The following BCAT2 variants were observed in gnomAD, a reference collection of about 807,000 sequenced individuals.
BCAT2 encodes branched-chain-amino-acid aminotransferase, mitochondrial.
A neutral mutation model predicts 52.9 loss-of-function variants in BCAT2; 44 were observed. The observed-to-expected ratio is 0.83, with a 90% confidence interval of 0.65 to 1.07. The LOEUF (loss-of-function observed/expected upper bound fraction) is 1.07. BCAT2 is among the 50% of genes least tolerant of loss of function. The pLI is 0.00. For missense variants in BCAT2, 478 were observed against 521.8 expected (o/e 0.92, Z 0.82); for synonymous variants, 215 against 217.1 (o/e 0.99, Z 0.08).
intron 10 of BCAT2, chr19:48,796,176 AG>A: frequency 1.8e-6 from 1 of 554,746 alleles, no homozygotes; most frequent in South Asian, 2.6e-5. Context: ...AGAGGATCAC[AG>A]GAAGGGGTTT....
rs540099270 is a variant in BCAT2, at chr19:48,803,232, G to A, written c.301-2935C>T. On this transcript the variant is annotated intron_variant, in intron 3 of 10. Transcript: ENST00000316273. ...AAACAAAACCCAGGTAAAAGAGCCCGGATACACCGGATATAGTGGCTCATG... is the reference window on the plus strand; with the variant it reads ...AAACAAAACCCAGGTAAAAGAGCCCAGATACACCGGATATAGTGGCTCATG... 4.6e-5 allele frequency among the ~76,000 whole-genome samples: 7 copies of A among 151,352 alleles called. No homozygotes were observed. The East Asian group carries it at 5.9e-4, about 13-fold the overall frequency.
intron 3 of BCAT2, among the ~76,000 whole-genome samples, chr19:48,803,380 T>C (rs2034697654): frequency 6.6e-6 from 1 of 151,384 alleles, no homozygotes; most frequent in African/African-American, 2.4e-5. Flanking sequence ...AAATAAAAAT[T>C]AGCTGGGCAT....
chr19:48,795,143 T>C lies in BCAT2; in HGVS notation c.*283A>G, dbSNP rs2034467843. On this transcript the variant is annotated 3_prime_UTR_variant, in exon 11 of 11. Coordinates refer to ENST00000316273, the MANE Select transcript of BCAT2 (RefSeq NM_001190.4). ...CAACGGCAGCACCAGGGGTCTGGCC[T>C]GAGAACGGAGAGATCCGGAATCGGG... 9.4e-6 allele frequency: 5 copies of C among 530,804 alleles called. No individual in the cohort carries two copies. The highest frequency in any genetic ancestry group is 1.7e-5 in the Non-Finnish European group (5 of 295,786). 32.9% of individuals were successfully genotyped at this position (530,804 alleles called of 1,614,324 possible).
Position 48,800,391 on chromosome 19 carries a change from A to G in BCAT2, c.301-94T>C, listed in dbSNP as rs1028976099. The G allele has an allele frequency of 2.6e-6, 3 of 1,159,042 alleles. No individual in the cohort carries two copies. The African/African-American group carries it at 4.6e-5, about 18-fold the overall frequency. 71.8% of individuals were successfully genotyped at this position (1,159,042 alleles called of 1,614,324 possible). On this transcript the variant is annotated intron_variant, in intron 3 of 10. Transcript: ENST00000316273. ...CAGAGACAGATACACAAAGACACAG[A>G]CAACTGAAAGATGGAGGCCAAGAGG...
chr19:48,806,609 A>G lies in BCAT2; in HGVS notation c.208T>C (p.Trp70Arg). The G allele has an allele frequency of 6.2e-7, 1 of 1,614,132 alleles. No homozygotes were observed. Among genetic ancestry groups the G allele is most frequent in the Non-Finnish European group, 8.5e-7 (1 of 1,180,020 alleles). Residue 70 changes from tryptophan to arginine, a missense_variant, in exon 3 of 11, where the codon TGG (tryptophan) becomes CGG (arginine). Coordinates refer to ENST00000316273, the MANE Select transcript of BCAT2 (RefSeq NM_001190.4). ...GGCTGGCCCCAGCCCTTGTCATTCCATTCCACCATCAGCATGTGGTCGGTA... is the reference window on the plus strand; with the variant it reads ...GGCTGGCCCCAGCCCTTGTCATTCCGTTCCACCATCAGCATGTGGTCGGTA... ...TFTDHMLMVE[W>R]NDKGWGQPRI...
At position 48,806,561 on chromosome 19, in the gene BCAT2, G is replaced by C. The variant is rs768924723; in HGVS notation, c.256C>G (p.Leu86Val). 1 of 1,614,158 alleles carries C rather than the reference G, an allele frequency of 6.2e-7. No individual in the cohort carries two copies. The highest frequency in any genetic ancestry group is 2.2e-5 in the East Asian group (1 of 44,876). ...CTGGAGGAGGCTGGGTGCAGCGTGA[G>C]GTTCTGGAAGGGCTGGATTCGGGGC... Reference protein sequence around the residue: ...GQPRIQPFQNLTLHPASSSLH... With the variant: ...GQPRIQPFQNVTLHPASSSLH... Residue 86 changes from leucine to valine, a missense_variant, in exon 3 of 11, where the codon CTC becomes GTC. Leu to Val is a conservative substitution (Grantham distance 32, BLOSUM62 1). Coordinates refer to ENST00000316273, the MANE Select transcript of BCAT2 (RefSeq NM_001190.4).
Position 48,799,754 on chromosome 19 carries a change from C to G in BCAT2, c.616G>C (p.Val206Leu). Residue 206 changes from valine to leucine, a missense_variant, in exon 6 of 11, where the codon GTG becomes CTG. Transcript: ENST00000316273. This position sits in a 1 kb window ranked among gnomAD's most constrained non-coding sequence, Gnocchi z 5.5. The stretch of plus-strand genomic sequence containing the variant: ...TCGGCCAGGAGGGAGACCGGGGTCA[C>G]GGAGCCTCCAGGGAAGTAGGCACCC... ...PVGAYFPGGS[V>L]TPVSLLADPA... 1 of 1,581,322 alleles carries G rather than the reference C, an allele frequency of 6.3e-7. No homozygotes were observed. Among genetic ancestry groups the G allele is most frequent in the Non-Finnish European group, 8.6e-7 (1 of 1,164,266 alleles).
At position 48,796,630 on chromosome 19, in the gene BCAT2, G is replaced by A. The variant is rs772311929; in HGVS notation, c.1013C>T (p.Ser338Leu). The A allele has an allele frequency of 2.4e-5, 39 of 1,613,478 alleles. No individual in the cohort carries two copies. The highest frequency in any genetic ancestry group is 4.4e-5 in the South Asian group (4 of 91,086). Residue 338 changes from serine (S) to leucine (L), a missense_variant, in exon 9 of 11, where the codon TCG becomes TTG. Coordinates refer to ENST00000316273, the MANE Select transcript of BCAT2 (RefSeq NM_001190.4). ...TGGGCAGACCTGGCAAGCGGTGCCC[G>A]AGCCAAAGACTTCCCGCACGCGGCC... ...EEGRVREVFG[S>L]GTACQVCPVH...
At chr19:48,796,753 A>C (rs758784934) in intron 8 of BCAT2, 35 bp from the exon 9 acceptor site, 1 of 1,599,900 alleles carries the variant, frequency 6.3e-7, no homozygotes, top group Admixed American at 1.7e-5. Flanking sequence ...GTGTCCCCAG[A>C]GGGTTGCCCT....
chr19:48,797,814 CTTTTTTTT>C (rs11310101), intron 6 of BCAT2, among the ~76,000 whole-genome samples: 1 of 130,722 alleles, frequency 7.6e-6, no homozygotes, highest in African/African-American at 2.9e-5. Flanking sequence ...TTCTTTTTTT[CTTTTTTTT>C]TTTTTTGAGA....
chr19:48,803,256 T>A (rs2034694926), intron 3 of BCAT2, among the ~76,000 whole-genome samples: 1 of 152,032 alleles, frequency 6.6e-6, no homozygotes, highest in Non-Finnish European at 1.5e-5. Context: ...TAGTGGCTCA[T>A]GCCTGCAATC....
Position 48,799,437 on chromosome 19 carries a change from C to T in BCAT2, c.695+238G>A. 1.9e-6 allele frequency: 1 copy of T among 530,650 alleles called. No homozygotes were observed. Among genetic ancestry groups the T allele is most frequent in the Non-Finnish European group, 3.1e-6 (1 of 319,240 alleles). 32.9% of individuals were successfully genotyped at this position (530,650 alleles called of 1,614,324 possible). A position where few individuals can be genotyped will look rare whatever the true frequency, so the allele number is the denominator to read the frequency against. ...CCAGTCCTGGTTTCCCCACTGACCTCCACCCAATGCCTTCCCATCTGTGAG... is the reference window on the plus strand; with the variant it reads ...CCAGTCCTGGTTTCCCCACTGACCTTCACCCAATGCCTTCCCATCTGTGAG... On this transcript the variant is annotated intron_variant, in intron 6 of 10. Coordinates refer to ENST00000316273, the MANE Select transcript of BCAT2 (RefSeq NM_001190.4). The surrounding 1 kb of genome is among the most constrained non-coding windows in gnomAD (Gnocchi z 5.5).
Position 48,800,006 on chromosome 19 carries a change from A to G in BCAT2, c.506T>C (p.Val169Ala), listed in dbSNP as rs771179659. The change falls in exon 5 of 11, where the codon GTG becomes GCG. Residue 169 changes from valine (V) to alanine (A), a missense_variant. Transcript: ENST00000316273. Reference protein sequence around the residue: ...VPDAAGTSLYVRPVLIGNEPS... With the variant: ...VPDAAGTSLYARPVLIGNEPS... ...CTCGTTCCCAATGAGCACAGGCCGC[A>G]CATAGAGGCTGGTGCCGGCGGCATC... 11 of 1,613,938 alleles carry G rather than the reference A, an allele frequency of 6.8e-6. No homozygotes were observed. Among genetic ancestry groups the G allele is most frequent in the Non-Finnish European group, 8.5e-6 (10 of 1,179,902 alleles).
At chr19:48,810,804 C>T (rs1247798563) in intron 1 of BCAT2, 180 bp downstream of exon 1, 9 of 1,433,380 alleles carry the variant, frequency 6.3e-6, no homozygotes, top group East Asian at 2.9e-5. Flanking sequence ...CCTGCTCCCC[C>T]TCACCCCATT....
intron 6 of BCAT2, chr19:48,798,874 G>C (rs2034593533): frequency 6.7e-6 from 1 of 149,942 alleles, no homozygotes; most frequent in Non-Finnish European, 1.5e-5. Context: ...CTGACCTCGT[G>C]ATCTGCCCGC....
chr19:48,795,917 G>A, intron 10 of BCAT2: 1 of 259,610 alleles, frequency 3.9e-6, no homozygotes, highest in South Asian at 7.5e-5. Flanking sequence ...AAGGTCCAGA[G>A]GCTCATGGGA....
Position 48,799,365 on chromosome 19 carries a change from A to C in BCAT2, c.695+310T>G, listed in dbSNP as rs1335165682. 2 of 293,400 alleles carry C rather than the reference A, an allele frequency of 6.8e-6. No individual in the cohort carries two copies. Among genetic ancestry groups the C allele is most frequent in the Non-Finnish European group, 1.3e-5 (2 of 159,698 alleles). The allele number at this position is 293,400 out of a possible 1,614,324, so 18.2% of individuals were successfully genotyped here. ...GATCAGGGGAGGCTTCTGGGGCGAG[A>C]AGCCAATGAGCTGAGTGTAAGCTTC... On this transcript the variant is annotated intron_variant, in intron 6 of 10. Transcript: ENST00000316273. This position sits in a 1 kb window ranked among gnomAD's most constrained non-coding sequence, Gnocchi z 5.5.
intron 1 of BCAT2, chr19:48,810,737 T>G (rs1262937221): frequency 4.0e-5 from 2 of 49,954 alleles, no homozygotes; most frequent in East Asian, 6.9e-4. Flanking sequence ...CATGTTTCCC[T>G]TTTTTTTTTT....
At chr19:48,810,907 C>T (rs2034908315) in intron 1 of BCAT2, 77 bp downstream of exon 1, 2 of 1,567,374 alleles carry the variant, frequency 1.3e-6, no homozygotes, top group South Asian at 1.2e-5. Context: ...GTCGGACCGG[C>T]TGCAGGCCAG....
Sources: gnomAD v4.1 joint callset for allele counts (sites outside exome capture counted in the v4.1 genomes callset) on GRCh38, gnomAD v4.1.1 for gene constraint, Gnocchi (gnomAD v3.1) non-coding constraint, MANE v1.5 for transcripts, NCBI Gene and HGNC (gene_info 2026-07-23, HGNC 2026-07-21) for gene names.